Variants in PLD5 observed in about 807,000 individuals in gnomAD.
PLD5 encodes the protein inactive phospholipase D5.
PLD5 carries 36 observed loss-of-function variants against 61.1 expected under a neutral mutation model. The observed-to-expected ratio is 0.59, with a 90% confidence interval of 0.45 to 0.78. PLD5 has a LOEUF of 0.78. PLD5 is among the 30% of genes least tolerant of loss of function. The pLI is 0.00. For missense variants in PLD5, 515 were observed against 644.4 expected, an observed-to-expected ratio of 0.80 and a Z score of 2.17; for synonymous variants, 243 against 242.8, an observed-to-expected ratio of 1.00 and a Z score of -0.01.
intron 1 of PLD5, among the ~76,000 whole-genome samples, chr1:242,447,486 A>G (rs1032003454): frequency 6.6e-6 from 1 of 152,248 alleles, no homozygotes; most frequent in Non-Finnish European, 1.5e-5. Context: ...CACTAAAATG[A>G]AAGGTGAAAT....
rs141801963 is a variant in PLD5, at chr1:242,326,400, C to T, written c.326+21706G>A. Among the ~76,000 whole-genome samples the T allele has an allele frequency of 1.2e-3, 190 of 152,238 alleles. 1 individual carries two copies. Among genetic ancestry groups the T allele is most frequent in the African/African-American group, 4.3e-3 (179 of 41,548 alleles). On this transcript the variant is annotated intron_variant, in intron 2 of 9. Transcript: ENST00000536534. ...CTTTAGGTGAAAACACGGGGTCATG[C>T]TACAGTCATAAGAGTCAGGGACTGG...
At chr1:242,373,740 A>T (rs1661785045) in intron 1 of PLD5, among the ~76,000 whole-genome samples, 1 of 152,098 alleles carries the variant, frequency 6.6e-6, no homozygotes, top group Non-Finnish European at 1.5e-5. Context: ...CATAGGTGGG[A>T]ATTGAACAAT....
intron 5 of PLD5, among the ~76,000 whole-genome samples, chr1:242,166,665 T>C (rs1172813590): frequency 2.0e-5 from 3 of 152,234 alleles, no homozygotes; most frequent in African/African-American, 7.2e-5. Flanking sequence ...CATTATACTC[T>C]CCTCGCATAT....
chr1:242,413,407 G>A (rs76622719), intron 1 of PLD5, among the ~76,000 whole-genome samples: 1 of 151,452 alleles, frequency 6.6e-6, no homozygotes, highest in East Asian at 1.9e-4. Flanking sequence ...ATGAAATTAA[G>A]TTCCATCTCA....
At chr1:242,209,528 A>G (rs1219811560) in intron 5 of PLD5, among the ~76,000 whole-genome samples, 3 of 152,066 alleles carry the variant, frequency 2.0e-5, no homozygotes, top group East Asian at 1.9e-4. Context: ...CATTAGTACT[A>G]TATCTGTTAT....
intron 1 of PLD5, among the ~76,000 whole-genome samples, chr1:242,398,083 A>G (rs1663706086): frequency 6.6e-6 from 1 of 152,208 alleles, no homozygotes. Flanking sequence ...GCAAAGATAG[A>G]TTAAAAGGAA....
chr1:242,386,871 G>A lies in PLD5; in HGVS notation c.190-38629C>T, dbSNP rs145429640. ...TGTAGACATTGTCCCTATTTTTAGGGGAAGTAGAGGAAGCATCATGTTGTC... is the reference window on the plus strand; with the variant it reads ...TGTAGACATTGTCCCTATTTTTAGGAGAAGTAGAGGAAGCATCATGTTGTC... On this transcript the variant is annotated intron_variant, in intron 1 of 9. Coordinates refer to ENST00000536534, the MANE Select transcript of PLD5 (RefSeq NM_001372062.1). 1.1e-4 allele frequency among the ~76,000 whole-genome samples: 17 copies of A among 152,262 alleles called. No homozygotes were observed. The East Asian group carries it at 3.3e-3, about 29-fold the overall frequency.
intron 4 of PLD5, among the ~76,000 whole-genome samples, chr1:242,259,362 G>C (rs1673260126): frequency 3.9e-5 from 6 of 152,196 alleles, no homozygotes; most frequent in Admixed American, 3.9e-4. Flanking sequence ...GGATGAAAAA[G>C]AGCTTGTAAA....
At chr1:242,488,261 G>T (rs1192325265) in intron 1 of PLD5, among the ~76,000 whole-genome samples, 1 of 152,190 alleles carries the variant, frequency 6.6e-6, no homozygotes, top group East Asian at 1.9e-4. Flanking sequence ...ACACAAAAAT[G>T]TGCATACTGA....
At chr1:242,499,762 A>C (rs780983334) in intron 1 of PLD5, among the ~76,000 whole-genome samples, 1 of 151,470 alleles carries the variant, frequency 6.6e-6, no homozygotes, top group Admixed American at 6.6e-5. Flanking sequence ...TGTTGTGCTC[A>C]TGGATTGTGC....
chr1:242,376,213 CT>C (rs1661944817), intron 1 of PLD5, among the ~76,000 whole-genome samples: 1 of 152,158 alleles, frequency 6.6e-6, no homozygotes, highest in South Asian at 2.1e-4. Context: ...TTCCCCATTC[CT>C]CAAAATGGAA....
At chr1:242,278,545 G>C (rs1460871367) in intron 3 of PLD5, among the ~76,000 whole-genome samples, 2 of 152,182 alleles carry the variant, frequency 1.3e-5, no homozygotes, top group Non-Finnish European at 2.9e-5. Flanking sequence ...AACATACCAA[G>C]AAAAAACAGG....
At chr1:242,235,039 C>T (rs570730724) in intron 4 of PLD5, among the ~76,000 whole-genome samples, 10 of 152,244 alleles carry the variant, frequency 6.6e-5, no homozygotes, top group Non-Finnish European at 1.3e-4. Flanking sequence ...TATAGAGTTT[C>T]GTGAGCTCTA....
chr1:242,470,291 G>A (rs1297453234), intron 1 of PLD5, among the ~76,000 whole-genome samples: 2 of 150,926 alleles, frequency 1.3e-5, no homozygotes, highest in African/African-American at 2.4e-5. Context: ...GCAGTGAGCC[G>A]AGATCGCACC....
intron 1 of PLD5, among the ~76,000 whole-genome samples, chr1:242,484,699 A>T (rs1667898329): frequency 6.6e-6 from 1 of 152,198 alleles, no homozygotes; most frequent in Non-Finnish European, 1.5e-5. Context: ...ATCCTCCCTA[A>T]CTCATTTTAT....
At chr1:242,404,880 T>TC (rs1664143707) in intron 1 of PLD5, among the ~76,000 whole-genome samples, 1 of 128,362 alleles carries the variant, frequency 7.8e-6, no homozygotes, top group Non-Finnish European at 1.6e-5. Flanking sequence ...TGCTAATTTT[T>TC]TTTTTTTTTT....
At chr1:242,470,440 T>C (rs1247150717) in intron 1 of PLD5, among the ~76,000 whole-genome samples, 1 of 151,838 alleles carries the variant, frequency 6.6e-6, no homozygotes, top group Admixed American at 6.6e-5. Flanking sequence ...GGGTTTGGAT[T>C]GTGGGGCCAT....
chr1:242,308,154 A>G (rs1676484783), intron 2 of PLD5, among the ~76,000 whole-genome samples: 1 of 152,176 alleles, frequency 6.6e-6, no homozygotes, highest in Non-Finnish European at 1.5e-5. Flanking sequence ...GTAGCATCCT[A>G]GAAGCTATAA....
chr1:242,510,408 C>A (rs1233579855), intron 1 of PLD5, among the ~76,000 whole-genome samples: 1 of 152,186 alleles, frequency 6.6e-6, no homozygotes, highest in African/African-American at 2.4e-5. Flanking sequence ...CACACATACA[C>A]ACACACTATA....
Sources: gnomAD v4.1 joint callset for allele counts (sites outside exome capture counted in the v4.1 genomes callset) on GRCh38, gnomAD v4.1.1 for gene constraint, MANE v1.5 for transcripts, NCBI Gene and HGNC (gene_info 2026-07-23, HGNC 2026-07-21) for gene names.